Variants in KCNIP1 observed in about 807,000 individuals in gnomAD.
KCNIP1 encodes the protein A-type potassium channel modulatory protein KCNIP1.
In KCNIP1, 18 loss-of-function variants were observed where a neutral mutation model predicts 33.0. The ratio of observed to expected loss-of-function variants is 0.55; its 90% confidence interval spans 0.38 to 0.81. The LOEUF is 0.81. Among genes scored for constraint, KCNIP1 ranks in the 30% least tolerant of loss-of-function variants. The pLI, the probability that KCNIP1 is intolerant of heterozygous loss-of-function variation, is 0.00. For synonymous variants in KCNIP1, 93 were observed against 98.3 expected (o/e 0.95, Z 0.32); for missense variants, 238 against 271.6 (o/e 0.88, Z 0.87).
chr5:170,563,384 A>G (rs1261903458), intron 1 of KCNIP1, among the ~76,000 whole-genome samples: 2 of 152,146 alleles, frequency 1.3e-5, no homozygotes, highest in African/African-American at 4.8e-5. Context: ...CACAATCCTC[A>G]TGCCAGTTTT....
At chr5:170,358,678 C>T (rs1763414078) in intron 1 of KCNIP1, among the ~76,000 whole-genome samples, 1 of 152,242 alleles carries the variant, frequency 6.6e-6, no homozygotes, top group South Asian at 2.1e-4. Flanking sequence ...CCCAACTCTG[C>T]TCTTGCAGGG....
intron 1 of KCNIP1, among the ~76,000 whole-genome samples, chr5:170,495,444 C>T (rs570920134): frequency 6.6e-6 from 1 of 152,310 alleles, no homozygotes; most frequent in African/African-American, 2.4e-5. Context: ...TGCAATGCTC[C>T]TGCTACACAC....
chr5:170,535,926 T>A (rs755697371), intron 1 of KCNIP1, among the ~76,000 whole-genome samples: 3 of 152,160 alleles, frequency 2.0e-5, no homozygotes, highest in Non-Finnish European at 2.9e-5. Flanking sequence ...AGGAACTGCC[T>A]CCTCCAGCCC....
intron 1 of KCNIP1, among the ~76,000 whole-genome samples, chr5:170,628,351 C>G (rs780038389): frequency 1.3e-5 from 2 of 152,172 alleles, no homozygotes; most frequent in Admixed American, 6.5e-5. Flanking sequence ...CTCACAACAG[C>G]CCACACTCAC....
At chr5:170,686,507 T>C (rs889061531) in intron 1 of KCNIP1, among the ~76,000 whole-genome samples, 1 of 152,190 alleles carries the variant, frequency 6.6e-6, no homozygotes, top group Non-Finnish European at 1.5e-5. Context: ...AATTAACAGT[T>C]TGCAAATTGC....
intron 1 of KCNIP1, among the ~76,000 whole-genome samples, chr5:170,506,674 C>T (rs1215230825): frequency 2.6e-5 from 4 of 152,176 alleles, no homozygotes; most frequent in Non-Finnish European, 1.5e-5. Flanking sequence ...TGCCATAATG[C>T]TCGGTGTTTT....
At chr5:170,496,783 C>T (rs1757319025) in intron 1 of KCNIP1, among the ~76,000 whole-genome samples, 1 of 152,208 alleles carries the variant, frequency 6.6e-6, no homozygotes, top group Non-Finnish European at 1.5e-5. Flanking sequence ...TCAACCTCAC[C>T]ACTGTGGCCC....
intron 1 of KCNIP1, among the ~76,000 whole-genome samples, chr5:170,714,653 G>A (rs1015012982): frequency 3.3e-5 from 5 of 152,034 alleles, no homozygotes; most frequent in Non-Finnish European, 5.9e-5. Flanking sequence ...AACGTGTGTG[G>A]TTGTGTCTTC....
intron 1 of KCNIP1, among the ~76,000 whole-genome samples, chr5:170,634,131 G>T (rs1259386956): frequency 6.6e-6 from 1 of 152,140 alleles, no homozygotes; most frequent in Non-Finnish European, 1.5e-5. Context: ...GTCTGAGCAG[G>T]GTTATTGGTC....
intron 1 of KCNIP1, among the ~76,000 whole-genome samples, chr5:170,413,860 C>G (rs963154188): frequency 2.7e-5 from 4 of 150,772 alleles, no homozygotes; most frequent in African/African-American, 9.8e-5. Context: ...AAACCACAAC[C>G]ATTTATGAAT....
chr5:170,684,185 T>G (rs1318367483), intron 1 of KCNIP1, among the ~76,000 whole-genome samples: 1 of 152,214 alleles, frequency 6.6e-6, no homozygotes, highest in African/African-American at 2.4e-5. Context: ...TCTCCCTAGC[T>G]TTCTCTTTCC....
intron 1 of KCNIP1, among the ~76,000 whole-genome samples, chr5:170,365,212 G>C (rs541200740): frequency 1.2e-4 from 18 of 152,210 alleles, no homozygotes; most frequent in Non-Finnish European, 2.2e-4. Context: ...CCTGGGGAAG[G>C]CCACCCAGCA....
rs148010938 is a variant in KCNIP1, at chr5:170,695,955, G to T, written c.62-22803G>T. ...AATTGTTCGAACCAGGGATTCGAAG[G>T]TTGCAGTGAGCCGAGATTGCACCAC... On this transcript the variant is annotated intron_variant, in intron 1 of 7. Coordinates refer to ENST00000328939, the MANE Select transcript of KCNIP1 (RefSeq NM_014592.4). Among the ~76,000 whole-genome samples, 478 of 150,334 alleles carry T rather than the reference G, an allele frequency of 3.2e-3. 1 individual carries two copies. The highest frequency in any genetic ancestry group is 0.011 in the African/African-American group (455 of 40,742).
intron 1 of KCNIP1, among the ~76,000 whole-genome samples, chr5:170,675,188 A>G (rs1762083346): frequency 6.6e-6 from 1 of 151,984 alleles, no homozygotes. Context: ...AATTCCAGCT[A>G]CTTGGGAGGC....
At chr5:170,714,915 G>A (rs1178939026) in intron 1 of KCNIP1, among the ~76,000 whole-genome samples, 5 of 151,846 alleles carry the variant, frequency 3.3e-5, no homozygotes, top group African/African-American at 1.2e-4. Context: ...ATTTAGTATA[G>A]CCCTAAGCAT....
At chr5:170,569,799 C>G (rs1244540405) in intron 1 of KCNIP1, among the ~76,000 whole-genome samples, 1 of 151,936 alleles carries the variant, frequency 6.6e-6, no homozygotes, top group African/African-American at 2.4e-5. Flanking sequence ...AAGCCTTCAC[C>G]CTAGTTAGCT....
At chr5:170,441,687 C>T (rs761448908) in intron 1 of KCNIP1, among the ~76,000 whole-genome samples, 7 of 151,954 alleles carry the variant, frequency 4.6e-5, no homozygotes, top group Non-Finnish European at 7.4e-5. Context: ...ACAAGTGGGC[C>T]GGGCGCCGTG....
chr5:170,539,139 T>A (rs1756101685), intron 1 of KCNIP1, among the ~76,000 whole-genome samples: 1 of 152,188 alleles, frequency 6.6e-6, no homozygotes, highest in Non-Finnish European at 1.5e-5. Flanking sequence ...ATCTCTAGTC[T>A]ACACTATTGC....
At chr5:170,587,804 C>G (rs1329437921) in intron 1 of KCNIP1, among the ~76,000 whole-genome samples, 4 of 152,262 alleles carry the variant, frequency 2.6e-5, no homozygotes, top group Non-Finnish European at 5.9e-5. Flanking sequence ...CAAAATCTCT[C>G]TTACCATGTA....
Sources: gnomAD v4.1 joint callset for allele counts (sites outside exome capture counted in the v4.1 genomes callset) on GRCh38, gnomAD v4.1.1 for gene constraint, MANE v1.5 for transcripts, NCBI Gene and HGNC (gene_info 2026-07-23, HGNC 2026-07-21) for gene names.